EPHA6: variants seen among roughly 807,000 people sequenced by gnomAD.
EPHA6 encodes the protein ephrin type-A receptor 6.
EPHA6 carries 50 observed loss-of-function variants against 112.0 expected under a neutral mutation model. That is an observed-to-expected ratio of 0.45 (90% confidence interval 0.36 to 0.56). EPHA6 has a LOEUF of 0.56. EPHA6 is among the 20% of genes least tolerant of loss of function. The probability of loss-of-function intolerance (pLI) is 0.00; values close to 1 mark genes in which losing one functional copy is unlikely to be tolerated. For missense variants in EPHA6, 1,280 were observed against 1,417.4 expected, an observed-to-expected ratio of 0.90 and a Z score of 1.56; for synonymous variants, 529 against 490.7, an observed-to-expected ratio of 1.08 and a Z score of -1.03.
intron 5 of EPHA6, among the ~76,000 whole-genome samples, chr3:97,319,842 T>C (rs2082024305): frequency 6.6e-6 from 1 of 151,938 alleles, no homozygotes; most frequent in Admixed American, 6.6e-5. Context: ...ATGACACAAT[T>C]AAAACTTTTA....
intron 12 of EPHA6, among the ~76,000 whole-genome samples, chr3:97,604,142 T>C (rs1448451755): frequency 6.6e-6 from 1 of 151,738 alleles, no homozygotes; most frequent in Admixed American, 6.6e-5. Flanking sequence ...AATAATAAGA[T>C]ACAAATGAGG....
intron 1 of EPHA6, among the ~76,000 whole-genome samples, chr3:96,858,266 T>C (rs1005455546): frequency 3.9e-5 from 6 of 152,034 alleles, no homozygotes; most frequent in African/African-American, 1.4e-4. Flanking sequence ...TCAGAGTCTA[T>C]TGAGAGCTAA....
At chr3:97,074,656 C>G (rs2046461098) in intron 3 of EPHA6, among the ~76,000 whole-genome samples, 1 of 151,830 alleles carries the variant, frequency 6.6e-6, no homozygotes, top group African/African-American at 2.4e-5. Flanking sequence ...TAATTTCATA[C>G]ATAAAAGCAA....
chr3:97,087,965 C>T (rs2046952332), intron 3 of EPHA6, among the ~76,000 whole-genome samples: 2 of 152,000 alleles, frequency 1.3e-5, no homozygotes, highest in Non-Finnish European at 2.9e-5. Flanking sequence ...GGGCAGGTCA[C>T]AATGTCAAGA....
At chr3:96,840,293 C>T (rs1459452652) in intron 1 of EPHA6, among the ~76,000 whole-genome samples, 1 of 152,048 alleles carries the variant, frequency 6.6e-6, no homozygotes, top group Non-Finnish European at 1.5e-5. Flanking sequence ...ATATATACAC[C>T]TCTTGGGGGT....
rs139872618 is a variant in EPHA6 at position 97,718,363 on chromosome 3, A to G, written c.2785-1898A>G. Among the ~76,000 whole-genome samples, 15 of 152,252 alleles carry G rather than the reference A, an allele frequency of 9.9e-5. No individual in the cohort carries two copies. In the East Asian group the frequency reaches 2.7e-3, roughly 27 times the overall value. ...ATCACTTGCAGTGTTCTCATTTCTGAATTTTTTTAGTGCTTTGGATTAGGG... is the reference window on the plus strand; with the variant it reads ...ATCACTTGCAGTGTTCTCATTTCTGGATTTTTTTAGTGCTTTGGATTAGGG... On this transcript the variant is annotated intron_variant, in intron 14 of 17. Transcript: ENST00000389672.
At chr3:97,046,581 T>C (rs1447642768) in intron 3 of EPHA6, among the ~76,000 whole-genome samples, 1 of 152,156 alleles carries the variant, frequency 6.6e-6, no homozygotes, top group Non-Finnish European at 1.5e-5. Flanking sequence ...GGAAATAAAA[T>C]TGTTATTTAG....
At chr3:97,689,443 G>C (rs947301587) in intron 14 of EPHA6, among the ~76,000 whole-genome samples, 1 of 152,128 alleles carries the variant, frequency 6.6e-6, no homozygotes, top group African/African-American at 2.4e-5. Context: ...TTATTTAGAA[G>C]GGTAATTTTT....
intron 1 of EPHA6, among the ~76,000 whole-genome samples, chr3:96,823,951 A>G (rs1231176723): frequency 1.3e-5 from 2 of 151,758 alleles, no homozygotes; most frequent in Admixed American, 6.6e-5. Flanking sequence ...GCATACTCCA[A>G]TTTTATTGTT....
chr3:96,920,187 C>G (rs2039687838), intron 2 of EPHA6, among the ~76,000 whole-genome samples: 1 of 151,982 alleles, frequency 6.6e-6, no homozygotes, highest in South Asian at 2.1e-4. Flanking sequence ...CTATTTTGTG[C>G]TTCTGTGAAC....
chr3:97,708,434 T>G (rs560772136), intron 14 of EPHA6, among the ~76,000 whole-genome samples: 1 of 152,148 alleles, frequency 6.6e-6, no homozygotes, highest in African/African-American at 2.4e-5. Flanking sequence ...ACAAATACAG[T>G]TATATGTGTA....
intron 3 of EPHA6, among the ~76,000 whole-genome samples, chr3:97,000,212 T>G (rs549942130): frequency 5.9e-5 from 9 of 151,604 alleles, no homozygotes; most frequent in Non-Finnish European, 1.3e-4. Context: ...ATGTCACTTA[T>G]TTTAGAGTTT....
chr3:97,324,413 C>CTTTCTTTCTTTCTT (rs1559883573), intron 5 of EPHA6, among the ~76,000 whole-genome samples: 2 of 116,814 alleles, frequency 1.7e-5, no homozygotes, highest in Admixed American at 9.0e-5. Flanking sequence ...TCTTTTCTTT[C>CTTTCTTTCTTTCTT]TTTCTTTCTT....
Position 96,903,232 on chromosome 3 carries a change from GTA to G in EPHA6, c.450+36345_450+36346del, listed in dbSNP as rs571507203. Among the ~76,000 whole-genome samples, 403 of 152,266 alleles carry G rather than the reference GTA, an allele frequency of 2.6e-3. 1 individual carries two copies. Among genetic ancestry groups the G allele is most frequent in the Non-Finnish European group, 4.5e-3 (308 of 68,014 alleles). ...CCCTTCAAGCTCAGATGATTGGCAA[GTA>G]TGAGACCAAAACATGGAAGCCAGCA... On this transcript the variant is annotated intron_variant, in intron 2 of 17. Coordinates refer to ENST00000389672, the MANE Select transcript of EPHA6 (RefSeq NM_001080448.3).
At chr3:96,928,910 A>C (rs1014529296) in intron 2 of EPHA6, among the ~76,000 whole-genome samples, 1 of 152,134 alleles carries the variant, frequency 6.6e-6, no homozygotes, top group Non-Finnish European at 1.5e-5. Context: ...GTTGGTTTAA[A>C]GTCTTTTGTC....
intron 3 of EPHA6, among the ~76,000 whole-genome samples, chr3:97,093,477 G>A (rs932950935): frequency 1.3e-5 from 2 of 152,064 alleles, no homozygotes; most frequent in Non-Finnish European, 2.9e-5. Context: ...TTGAACCTGG[G>A]AGGCAGAGTT....
At chr3:97,423,026 G>T (rs781152110) in intron 6 of EPHA6, among the ~76,000 whole-genome samples, 1 of 152,134 alleles carries the variant, frequency 6.6e-6, no homozygotes, top group Admixed American at 6.5e-5. Context: ...TGTCATCTAT[G>T]ACAAAACCAC....
chr3:97,101,158 A>G (rs1243902004), intron 3 of EPHA6, among the ~76,000 whole-genome samples: 1 of 152,080 alleles, frequency 6.6e-6, no homozygotes, highest in African/African-American at 2.4e-5. Flanking sequence ...AATTTTGAAC[A>G]TATAAATTAT....
chr3:97,222,865 C>G (rs1363433138), intron 3 of EPHA6, among the ~76,000 whole-genome samples: 1 of 152,120 alleles, frequency 6.6e-6, no homozygotes, highest in East Asian at 1.9e-4. Flanking sequence ...ATTACCAAGG[C>G]TAACTAATGC....
Sources: gnomAD v4.1 joint callset for allele counts (sites outside exome capture counted in the v4.1 genomes callset) on GRCh38, gnomAD v4.1.1 for gene constraint, MANE v1.5 for transcripts, NCBI Gene and HGNC (gene_info 2026-07-23, HGNC 2026-07-21) for gene names.